The following LINGO2 variants were observed in gnomAD, a reference collection of about 807,000 sequenced individuals.
LINGO2 encodes leucine-rich repeat and immunoglobulin-like domain-containing nogo receptor-interacting protein 2.
LINGO2 carries 14 observed loss-of-function variants against 30.6 expected under a neutral mutation model. That is an observed-to-expected ratio of 0.46 (90% confidence interval 0.30 to 0.72). LINGO2 has a LOEUF of 0.72. Among genes scored for constraint, LINGO2 ranks in the 30% least tolerant of loss-of-function variants. LINGO2 has a pLI of 0.07. For missense variants in LINGO2, 729 were observed against 751.7 expected (o/e 0.97, Z 0.35); for synonymous variants, 317 against 288.5 (o/e 1.10, Z -1.00).
At chr9:28,477,681 T>C (rs979665238) in intron 1 of LINGO2, among the ~76,000 whole-genome samples, 5 of 152,154 alleles carry the variant, frequency 3.3e-5, no homozygotes, top group Admixed American at 3.3e-4. Flanking sequence ...CCATCATCTA[T>C]CCCTTAGAAT....
the LINGO2 span, among the ~76,000 whole-genome samples, chr9:28,873,593 A>C: frequency 6.6e-5 from 10 of 151,948 alleles, no homozygotes; most frequent in Non-Finnish European, 1.3e-4. Flanking sequence ...ACCCTTATTA[A>C]CTGGTTTATG....
intron 1 of LINGO2, among the ~76,000 whole-genome samples, chr9:28,513,578 GT>G (rs1285828907): frequency 2.9e-4 from 44 of 152,318 alleles, no homozygotes; most frequent in African/African-American, 1.0e-3. Context: ...CAATGAGATA[GT>G]TTGTTAGAAA....
intron 4 of LINGO2, among the ~76,000 whole-genome samples, chr9:28,033,378 G>T (rs1266830493): frequency 6.6e-6 from 1 of 152,132 alleles, no homozygotes; most frequent in Non-Finnish European, 1.5e-5. Context: ...TAGGGAGGGG[G>T]ATCTCTTATT....
intron 2 of LINGO2, among the ~76,000 whole-genome samples, chr9:28,474,090 C>T (rs1438103310): frequency 6.6e-6 from 1 of 152,074 alleles, no homozygotes; most frequent in African/African-American, 2.4e-5. Flanking sequence ...TATTTGGATC[C>T]ATTTCAGTAG....
chr9:27,971,684 C>T (rs1049410561), intron 5 of LINGO2, among the ~76,000 whole-genome samples: 2 of 152,102 alleles, frequency 1.3e-5, no homozygotes, highest in Non-Finnish European at 2.9e-5. Context: ...CCACGGCGCC[C>T]GGCCTGAAAT....
At chr9:28,194,541 A>G (rs1406482615) in intron 4 of LINGO2, among the ~76,000 whole-genome samples, 2 of 146,576 alleles carry the variant, frequency 1.4e-5, no homozygotes, top group East Asian at 4.1e-4. Flanking sequence ...GAACAGAGCT[A>G]AGACCTAAAC....
At chr9:28,072,312 T>G (rs577777881) in intron 4 of LINGO2, among the ~76,000 whole-genome samples, 1 of 152,204 alleles carries the variant, frequency 6.6e-6, no homozygotes, top group East Asian at 1.9e-4. Flanking sequence ...CATTTCAACC[T>G]TCTTTAGGGG....
chr9:28,179,544 T>TA (rs1231203389), intron 4 of LINGO2, among the ~76,000 whole-genome samples: 2 of 138,518 alleles, frequency 1.4e-5, no homozygotes, highest in Non-Finnish European at 3.1e-5. Flanking sequence ...ATATAGTTTT[T>TA]TACTATATAT....
intron 4 of LINGO2, among the ~76,000 whole-genome samples, chr9:28,191,153 G>A (rs917178660): frequency 1.3e-5 from 2 of 152,166 alleles, no homozygotes; most frequent in South Asian, 2.1e-4. Flanking sequence ...AAGGTCCCAT[G>A]GTTAAATTGG....
At chr9:28,941,284 A>G in the LINGO2 span, among the ~76,000 whole-genome samples, 11 of 152,174 alleles carry the variant, frequency 7.2e-5, no homozygotes, top group Non-Finnish European at 1.6e-4. Context: ...ATTTATTAGT[A>G]TCTAGATATG....
intron 1 of LINGO2, among the ~76,000 whole-genome samples, chr9:28,563,465 A>G (rs1444855579): frequency 6.6e-6 from 1 of 152,160 alleles, no homozygotes. Flanking sequence ...CTCTCTAAAG[A>G]CAAATTTTGG....
the LINGO2 span, among the ~76,000 whole-genome samples, chr9:28,849,944 A>G: frequency 2.0e-5 from 3 of 151,960 alleles, no homozygotes; most frequent in Non-Finnish European, 2.9e-5. Context: ...GAGACGTTGT[A>G]TATTTTGTCT....
the LINGO2 span, among the ~76,000 whole-genome samples, chr9:28,988,384 T>C: frequency 1.3e-5 from 2 of 152,148 alleles, no homozygotes; most frequent in African/African-American, 2.4e-5. Flanking sequence ...GCATAGAAAA[T>C]ATTTTCAACT....
the LINGO2 span, among the ~76,000 whole-genome samples, chr9:28,890,224 T>C: frequency 1.3e-4 from 15 of 114,628 alleles, no homozygotes; most frequent in Non-Finnish European, 2.3e-4. Flanking sequence ...TGTTTTGTTT[T>C]GTTTTTGTGG....
chr9:28,761,484 G>GCACA, the LINGO2 span, among the ~76,000 whole-genome samples: 1,791 of 149,200 alleles, frequency 0.012, 40 homozygotes, highest in African/African-American at 0.036. Context: ...ATATACATGC[G>GCACA]CACACACACA....
intron 5 of LINGO2, among the ~76,000 whole-genome samples, chr9:27,985,400 T>A (rs1821078429): frequency 6.6e-6 from 1 of 151,928 alleles, no homozygotes; most frequent in African/African-American, 2.4e-5. Context: ...GATTTTCTCC[T>A]CTTGTTTTCA....
At chr9:28,263,170 C>T (rs7873734) in intron 4 of LINGO2, among the ~76,000 whole-genome samples, 5 of 151,966 alleles carry the variant, frequency 3.3e-5, no homozygotes, top group African/African-American at 1.2e-4. Flanking sequence ...GCCCTCTCCA[C>T]ACCATGGCAA....
chr9:28,021,267 G>C (rs763905657), intron 4 of LINGO2, among the ~76,000 whole-genome samples: 11 of 151,952 alleles, frequency 7.2e-5, no homozygotes, highest in Admixed American at 3.3e-4. Flanking sequence ...TGACCCATGT[G>C]TTATGTACAA....
intron 3 of LINGO2, among the ~76,000 whole-genome samples, chr9:28,326,248 G>A (rs750937995): frequency 6.6e-5 from 10 of 152,108 alleles, no homozygotes; most frequent in Non-Finnish European, 1.3e-4. Context: ...CTCGTGATCT[G>A]CCCACCTTGG....
Sources: allele counts gnomAD v4.1 joint callset (sites outside exome capture counted in the v4.1 genomes callset), GRCh38; gene constraint gnomAD v4.1.1; transcripts MANE v1.5; gene names NCBI Gene and HGNC (gene_info 2026-07-23, HGNC 2026-07-21).